The following GALNT13 variants were observed in gnomAD, a reference collection of about 807,000 sequenced individuals.
The protein encoded by GALNT13 is polypeptide N-acetylgalactosaminyltransferase 13, also known as UDP-GalNAc:polypeptide N-acetylgalactosaminyltransferase 13.
Under a neutral mutation model 64.2 loss-of-function variants are expected in GALNT13, and 28 were observed. The observed-to-expected ratio is 0.44, with a 90% CI of 0.32 to 0.60. The LOEUF (loss-of-function observed/expected upper bound fraction) is 0.60. Ranked by LOEUF, GALNT13 falls within the 20% of genes least tolerant of loss-of-function variation. GALNT13 has a pLI of 0.05. For synonymous variants in GALNT13, 214 were observed against 224.6 expected (o/e 0.95, Z 0.42); for missense variants, 577 against 669.8 (o/e 0.86, Z 1.53).
rs77612868 is a variant in GALNT13 at position 154,265,964 on chromosome 2, A to G, written c.975+6826A>G. Among the ~76,000 whole-genome samples the G allele has an allele frequency of 7.1e-3, 1,080 of 152,352 alleles. 13 individuals carry two copies. Among genetic ancestry groups the G allele is most frequent in the African/African-American group, 0.024 (984 of 41,580 alleles). On this transcript the variant is annotated intron_variant, in intron 8 of 12. Transcript: ENST00000392825. ...AAATGCAAGGTTGGTTTAGCATTCAAAAATCCATCAAGGTAATTCACCGTA... is the reference window on the plus strand; with the variant it reads ...AAATGCAAGGTTGGTTTAGCATTCAGAAATCCATCAAGGTAATTCACCGTA...
chr2:154,344,284 G>A (rs543481404), intron 9 of GALNT13, among the ~76,000 whole-genome samples: 7 of 110,808 alleles, frequency 6.3e-5, no homozygotes, highest in Non-Finnish European at 1.4e-4. Context: ...CTGTTGACTC[G>A]CCTGACAAAG....
chr2:153,911,323 C>T (rs189792859), intron 2 of GALNT13, among the ~76,000 whole-genome samples: 28 of 152,240 alleles, frequency 1.8e-4, no homozygotes, highest in Admixed American at 8.5e-4. Flanking sequence ...TGATAGGTCT[C>T]TTGAAGACAG....
chr2:153,734,794 G>A, the GALNT13 span, among the ~76,000 whole-genome samples: 2 of 151,926 alleles, frequency 1.3e-5, no homozygotes, highest in Non-Finnish European at 2.9e-5. Context: ...ACATTTTTTG[G>A]CCTAATTCGT....
At chr2:153,128,052 G>C in the GALNT13 span, among the ~76,000 whole-genome samples, 1 of 152,100 alleles carries the variant, frequency 6.6e-6, no homozygotes, top group South Asian at 2.1e-4. Context: ...TCAACAGAAA[G>C]GTACAAGGTA....
the GALNT13 span, among the ~76,000 whole-genome samples, chr2:153,097,803 G>A: frequency 2.7e-3 from 413 of 152,242 alleles, no homozygotes; most frequent in African/African-American, 9.5e-3. Flanking sequence ...CGGCACAGTG[G>A]CTCAAGCCTG....
At chr2:153,209,000 A>T in the GALNT13 span, among the ~76,000 whole-genome samples, 1 of 36,276 alleles carries the variant, frequency 2.8e-5, no homozygotes, top group African/African-American at 9.2e-5. Context: ...TTTTTTTGAG[A>T]CGGAGTCTTG....
intron 8 of GALNT13, chr2:154,286,996 G>A (rs1372266678): frequency 5.2e-6 from 3 of 578,506 alleles, no homozygotes; most frequent in Admixed American, 2.5e-5. Flanking sequence ...TCACTTTGAT[G>A]CAGGAGAACT....
At chr2:153,269,078 C>T in the GALNT13 span, among the ~76,000 whole-genome samples, 460 of 152,332 alleles carry the variant, frequency 3.0e-3, 3 homozygotes, top group African/African-American at 0.01. Flanking sequence ...GTTACTTATG[C>T]AAATTTCTAC....
At chr2:153,518,136 C>G in the GALNT13 span, among the ~76,000 whole-genome samples, 1 of 152,112 alleles carries the variant, frequency 6.6e-6, no homozygotes, top group Non-Finnish European at 1.5e-5. Flanking sequence ...ATACACACAC[C>G]CTGGCCCTTC....
chr2:153,421,957 G>A, the GALNT13 span: 2 of 164,724 alleles, frequency 1.2e-5, no homozygotes, highest in South Asian at 1.5e-4. Flanking sequence ...GCACTCACAC[G>A]TAGTGGCTAC....
chr2:154,322,906 T>G (rs997829615), intron 9 of GALNT13, among the ~76,000 whole-genome samples: 3 of 152,058 alleles, frequency 2.0e-5, no homozygotes, highest in African/African-American at 4.8e-5. Context: ...CATTTTGATG[T>G]GACGGCTGGA....
the GALNT13 span, among the ~76,000 whole-genome samples, chr2:153,126,294 TTGTATATATATATATATATATA>T: frequency 1.2e-4 from 6 of 50,956 alleles, no homozygotes; most frequent in Admixed American, 3.4e-4. Context: ...AGTATTGATT[TTGTATATATATATATATATATA>T]TATATATATA....
At chr2:153,965,913 G>A (rs1190066421) in intron 3 of GALNT13, among the ~76,000 whole-genome samples, 2 of 147,128 alleles carry the variant, frequency 1.4e-5, no homozygotes, top group Admixed American at 1.3e-4. Context: ...ATAACAAATT[G>A]TTTTAGTTAC....
chr2:153,184,581 A>T, the GALNT13 span, among the ~76,000 whole-genome samples: 1 of 152,190 alleles, frequency 6.6e-6, no homozygotes, highest in Non-Finnish European at 1.5e-5. Context: ...TTGCCCATTC[A>T]GTACGATGTT....
At chr2:153,863,526 T>C in the GALNT13 span, among the ~76,000 whole-genome samples, 1 of 152,000 alleles carries the variant, frequency 6.6e-6, no homozygotes, top group African/African-American at 2.4e-5. Flanking sequence ...AAGAGGGAGA[T>C]ATTTTAAGTA....
chr2:154,163,064 G>A (rs150164241), intron 4 of GALNT13, among the ~76,000 whole-genome samples: 10 of 150,940 alleles, frequency 6.6e-5, no homozygotes, highest in African/African-American at 2.4e-4. Context: ...CATGTGCCAT[G>A]TTGGTGTGTT....
At chr2:153,807,433 TATG>T in the GALNT13 span, among the ~76,000 whole-genome samples, 2 of 151,956 alleles carry the variant, frequency 1.3e-5, no homozygotes, top group Non-Finnish European at 2.9e-5. Context: ...TGAATGGCCA[TATG>T]ATATTTCTTA....
chr2:153,704,505 G>A, the GALNT13 span, among the ~76,000 whole-genome samples: 1 of 152,118 alleles, frequency 6.6e-6, no homozygotes, highest in African/African-American at 2.4e-5. Flanking sequence ...CTCTCTCAAT[G>A]CACAAATGCA....
chr2:153,739,575 T>C, the GALNT13 span, among the ~76,000 whole-genome samples: 1 of 144,218 alleles, frequency 6.9e-6, no homozygotes, highest in African/African-American at 2.6e-5. Context: ...TTTATTTATT[T>C]ATTCATTATT....
Sources: gnomAD v4.1 joint callset for allele counts (sites outside exome capture counted in the v4.1 genomes callset) on GRCh38, gnomAD v4.1.1 for gene constraint, MANE v1.5 for transcripts, NCBI Gene and HGNC (gene_info 2026-07-23, HGNC 2026-07-21) for gene names.